The following SCTR variants were observed in gnomAD, a reference collection of about 807,000 sequenced individuals.
SCTR encodes secretin receptor, also known as pancreatic secretin receptor.
In SCTR, 56 loss-of-function variants were observed where a neutral mutation model predicts 60.8. That is an observed-to-expected ratio of 0.92 (90% CI 0.74 to 1.15). SCTR has a LOEUF of 1.15. Among genes scored for constraint, SCTR ranks in the 50% most tolerant of loss-of-function variants. SCTR has a pLI of 0.00. For missense variants in SCTR, 562 were observed against 550.4 expected, an observed-to-expected ratio of 1.02 and a Z score of -0.21; for synonymous variants, 202 against 217.0, an observed-to-expected ratio of 0.93 and a Z score of 0.61.
At chr2:119,446,008 G>A (rs1452635075) in intron 11 of SCTR, among the ~76,000 whole-genome samples, 1 of 152,184 alleles carries the variant, frequency 6.6e-6, no homozygotes, top group Admixed American at 6.5e-5. Flanking sequence ...TAAACAAACG[G>A]CATTGTGAAG....
At chr2:119,440,335 T>C in intron 12 of SCTR, 78 bp from the exon 13 acceptor site, 2 of 1,510,998 alleles carry the variant, frequency 1.3e-6, no homozygotes, top group Non-Finnish European at 1.8e-6. Context: ...CCCCAGTGAC[T>C]CCACGCAGGC....
chr2:119,489,910 C>T (rs6751578), intron 2 of SCTR, among the ~76,000 whole-genome samples: 2 of 152,078 alleles, frequency 1.3e-5, no homozygotes, highest in Non-Finnish European at 1.5e-5. Flanking sequence ...CTTACTTCTC[C>T]GTGTAAACGA....
chr2:119,453,828 A>C (rs1186631675), intron 7 of SCTR, among the ~76,000 whole-genome samples: 1 of 152,246 alleles, frequency 6.6e-6, no homozygotes, highest in Non-Finnish European at 1.5e-5. Flanking sequence ...TTGGCCATTT[A>C]ACAGCTAAGG....
intron 2 of SCTR, among the ~76,000 whole-genome samples, chr2:119,491,763 G>A (rs1197511968): frequency 6.6e-6 from 1 of 152,104 alleles, no homozygotes; most frequent in African/African-American, 2.4e-5. Context: ...CACCTGCCTC[G>A]GCCCTCCAAA....
At chr2:119,475,148 G>A (rs1450976160) in intron 3 of SCTR, among the ~76,000 whole-genome samples, 1 of 152,200 alleles carries the variant, frequency 6.6e-6, no homozygotes, top group East Asian at 1.9e-4. Context: ...GGAGGGGCTT[G>A]GAATCTTGGA....
intron 12 of SCTR, 141 bp from the exon 13 acceptor site, chr2:119,440,398 T>A: frequency 1.1e-6 from 1 of 937,290 alleles, no homozygotes; most frequent in Admixed American, 2.8e-5. Flanking sequence ...CCACGCAGAT[T>A]GACTGTTTCC....
At chr2:119,511,410 T>G (rs905768062) in intron 1 of SCTR, among the ~76,000 whole-genome samples, 8 of 152,224 alleles carry the variant, frequency 5.3e-5, no homozygotes, top group Admixed American at 2.6e-4. Context: ...TGACTTATTT[T>G]GACTAGGAAA....
In SCTR at chr2:119,448,731, A is replaced by G; in HGVS notation, c.971T>C (p.Leu324Pro). 6.2e-7 allele frequency: 1 copy of G among 1,603,994 alleles called. No homozygotes were observed. Among genetic ancestry groups the G allele is most frequent in the South Asian group, 1.1e-5 (1 of 90,898 alleles). ...ATTTCCTCTTGTTTCTTGGGTTCTA[A>G]GTTTTCTCATCAGGATTCTTAGAAT... ...INILRILMRK[L>P]RTQETRGNEV... Residue 324 changes from leucine (L) to proline (P), a missense_variant, in exon 10 of 13, where the codon CTT becomes CCT. By Grantham distance (98) the Leu-to-Pro change is moderately conservative. Transcript: ENST00000019103.
chr2:119,494,566 G>C lies in SCTR; in HGVS notation c.73-18C>G. ...GCTCCAGTCTGCAAGTCCAAAACCA[G>C]GGATGCTCATCATTGCCACTAACTC... On this transcript the variant is annotated intron_variant, in intron 1 of 12. Coordinates refer to ENST00000019103, the MANE Select transcript of SCTR (RefSeq NM_002980.3). The C allele has an allele frequency of 6.2e-7, 1 of 1,613,088 alleles. No individual in the cohort carries two copies. Among genetic ancestry groups the C allele is most frequent in the Non-Finnish European group, 8.5e-7 (1 of 1,179,442 alleles).
In SCTR at chr2:119,507,478, A is replaced by G. The variant is rs562169756; in HGVS notation, c.73-12930T>C. ...CATGTCAACAGAGCTGCCATTTGTC[A>G]GGGGAATAGGGGAAGAACTCGTCCC... is the stretch of plus-strand genomic sequence containing the variant. On this transcript the variant is annotated intron_variant, in intron 1 of 12. Coordinates refer to ENST00000019103, the MANE Select transcript of SCTR (RefSeq NM_002980.3). Among the ~76,000 whole-genome samples the G allele has an allele frequency of 6.6e-5, 10 of 152,260 alleles. 1 individual carries two copies. The highest frequency in any genetic ancestry group is 2.2e-4 in the African/African-American group (9 of 41,544).
chr2:119,453,916 G>A (rs1683270067), intron 7 of SCTR, among the ~76,000 whole-genome samples: 1 of 152,124 alleles, frequency 6.6e-6, no homozygotes, highest in African/African-American at 2.4e-5. Context: ...ATTTAGAAGA[G>A]AAAATACAAT....
chr2:119,474,637 A>T (rs1677187947), intron 3 of SCTR, among the ~76,000 whole-genome samples: 1 of 152,098 alleles, frequency 6.6e-6, no homozygotes, highest in African/African-American at 2.4e-5. Context: ...GCTTCTTTAC[A>T]CAGTCTCCAG....
intron 1 of SCTR, among the ~76,000 whole-genome samples, chr2:119,512,080 T>C (rs1421852773): frequency 6.6e-6 from 1 of 152,228 alleles, no homozygotes; most frequent in African/African-American, 2.4e-5. Context: ...TTTAAATTTA[T>C]TGATTGGATA....
intron 9 of SCTR, among the ~76,000 whole-genome samples, chr2:119,449,752 A>G (rs1683073405): frequency 6.6e-6 from 1 of 152,132 alleles, no homozygotes; most frequent in Non-Finnish European, 1.5e-5. Context: ...GCCAAAAGAC[A>G]CAGGATTAGT....
chr2:119,506,352 A>G (rs1010234839), intron 1 of SCTR, among the ~76,000 whole-genome samples: 4 of 152,218 alleles, frequency 2.6e-5, no homozygotes, highest in African/African-American at 9.6e-5. Context: ...TGATATATGC[A>G]CCAACCTAGA....
intron 10 of SCTR, 67 bp from the exon 11 acceptor site, chr2:119,446,952 A>T: frequency 7.4e-7 from 1 of 1,342,970 alleles, no homozygotes; most frequent in Non-Finnish European, 9.6e-7. Flanking sequence ...CTGTAGGCAC[A>T]CAGCTGTGCC....
chr2:119,494,590 T>C (rs376228841), intron 1 of SCTR, 42 bp from the exon 2 acceptor site: 2 of 1,608,990 alleles, frequency 1.2e-6, no homozygotes, highest in African/African-American at 2.7e-5. Context: ...TGCCACTAAC[T>C]CAATTTTGCC....
chr2:119,507,616 T>A (rs1678782535), intron 1 of SCTR, among the ~76,000 whole-genome samples: 1 of 151,518 alleles, frequency 6.6e-6, no homozygotes, highest in Non-Finnish European at 1.5e-5. Context: ...TTGCTATGGG[T>A]GTCATATATG....
intron 6 of SCTR, 88 bp downstream of exon 6, chr2:119,464,035 A>T: frequency 7.1e-7 from 1 of 1,399,266 alleles, no homozygotes; most frequent in Non-Finnish European, 1.0e-6. Context: ...GGCTTGGGGG[A>T]AGGACAACTA....
Sources: allele counts gnomAD v4.1 joint callset (sites outside exome capture counted in the v4.1 genomes callset), GRCh38; gene constraint gnomAD v4.1.1; transcripts MANE v1.5; gene names NCBI Gene and HGNC (gene_info 2026-07-23, HGNC 2026-07-21).